Variants in SCIN observed in about 807,000 individuals in gnomAD.
SCIN encodes adseverin.
SCIN carries 91 observed loss-of-function variants against 91.8 expected under a neutral mutation model. The observed-to-expected ratio is 0.99, with a 90% confidence interval of 0.84 to 1.18. The LOEUF (loss-of-function observed/expected upper bound fraction) is 1.18. Among genes scored for constraint, SCIN ranks in the 50% most tolerant of loss-of-function variants. SCIN has a pLI of 0.00. For missense variants in SCIN, 1,087 were observed against 863.9 expected, an observed-to-expected ratio of 1.26 and a Z score of -3.24; for synonymous variants, 367 against 312.6, an observed-to-expected ratio of 1.17 and a Z score of -1.84.
intron 1 of SCIN, chr7:12,571,232 G>A (rs540871903): frequency 1.4e-4 from 76 of 547,224 alleles, no homozygotes; most frequent in Admixed American, 4.0e-4. Flanking sequence ...TTTGCCAGGT[G>A]TAGTTCCTGG....
intron 11 of SCIN, among the ~76,000 whole-genome samples, chr7:12,642,756 A>C (rs904303727): frequency 6.6e-6 from 1 of 151,806 alleles, no homozygotes; most frequent in African/African-American, 2.4e-5. Flanking sequence ...CACTAGGTGA[A>C]TGTATCCCCA....
intron 3 of SCIN, among the ~76,000 whole-genome samples, chr7:12,591,624 T>C (rs1010243343): frequency 3.3e-5 from 5 of 151,934 alleles, no homozygotes; most frequent in African/African-American, 1.2e-4. Context: ...CTGGGGAGTA[T>C]GTTATGTGAG....
Position 12,644,195 on chromosome 7 carries a change from C to G in SCIN, c.1639C>G (p.Gln547Glu). Residue 547 changes from glutamine to glutamate, a missense_variant, in exon 12 of 16, where the codon CAA (glutamine) becomes GAA (glutamate). Physicochemically the swap from Gln to Glu is conservative, Grantham distance 29. Coordinates refer to ENST00000297029, the MANE Select transcript of SCIN (RefSeq NM_001112706.3). ...SNDVFVLKLPQNSGYIWVGKG... is the reference protein window; with the variant it reads ...SNDVFVLKLPENSGYIWVGKG... Reference sequence around the variant, plus strand: ...CGATGTTTTTGTCCTGAAACTGCCACAAAATAGTGGCTACATCTGGGTAGG... The same window carrying G: ...CGATGTTTTTGTCCTGAAACTGCCAGAAAATAGTGGCTACATCTGGGTAGG... 6.2e-7 allele frequency: 1 copy of G among 1,612,680 alleles called. No homozygotes were observed. The highest frequency in any genetic ancestry group is 8.5e-7 in the Non-Finnish European group (1 of 1,179,310).
At chr7:12,626,849 AG>A in intron 8 of SCIN, 50 bp downstream of exon 8, 2 of 1,331,280 alleles carry the variant, frequency 1.5e-6, no homozygotes, top group African/African-American at 1.5e-5. Flanking sequence ...CAGTGTATGT[AG>A]GGGGAGGGTG....
chr7:12,592,754 C>T (rs532349380), intron 3 of SCIN, among the ~76,000 whole-genome samples: 16 of 152,122 alleles, frequency 1.1e-4, no homozygotes, highest in East Asian at 9.7e-4. Flanking sequence ...TGGTGGCAAG[C>T]GGACAAGAGA....
chr7:12,616,625 T>A (rs1253583828), intron 4 of SCIN, among the ~76,000 whole-genome samples: 1 of 152,118 alleles, frequency 6.6e-6, no homozygotes. Flanking sequence ...TTAACCATTG[T>A]AGACTCAGCT....
At position 12,657,114 on chromosome 7, in the gene SCIN, A is replaced by G. The variant is rs1043409885; in HGVS notation, c.*4399A>G. ...TTGAACAGTTTTTGTATTTTCTACT[A>G]AAATGAACATACACATATCCTATAA... On this transcript the variant is annotated 3_prime_UTR_variant, in exon 16 of 16. Coordinates refer to ENST00000297029, the MANE Select transcript of SCIN (RefSeq NM_001112706.3). 1.3e-5 allele frequency: 2 copies of G among 152,032 alleles called. No homozygotes were observed. Among genetic ancestry groups the G allele is most frequent in the African/African-American group, 4.8e-5 (2 of 41,368 alleles). The allele number at this position is 152,032 out of a possible 1,614,324, so 9.4% of individuals were successfully genotyped here. A position where few individuals can be genotyped will look rare whatever the true frequency, so the allele number is the denominator to read the frequency against.
Position 12,578,108 on chromosome 7 carries a change from A to C in SCIN, c.244A>C (p.Thr82Pro). Residue 82 changes from threonine (T) to proline (P), a missense_variant, in exon 2 of 16, where the codon ACT becomes CCT. By Grantham distance (38) the Thr-to-Pro change is conservative. Coordinates refer to ENST00000297029, the MANE Select transcript of SCIN (RefSeq NM_001112706.3). ...TGAAAGCACAGCTGCTGCCATCTTC[A>C]CTGTTCAGATGGATGACTATTTGGG... ...QDESTAAAIF[T>P]VQMDDYLGGK... 1 of 1,549,208 alleles carries C rather than the reference A, an allele frequency of 6.5e-7. No homozygotes were observed. Among genetic ancestry groups the C allele is most frequent in the South Asian group, 1.2e-5 (1 of 83,688 alleles).
At position 12,570,839 on chromosome 7, in the gene SCIN, G is replaced by A. The variant is rs1033793091; in HGVS notation, c.53G>A (p.Gly18Glu). The change falls in exon 1 of 16, where the codon GGG becomes GAG. Residue 18 changes from glycine (G) to glutamate (E), a missense_variant. By Grantham distance (98) the Gly-to-Glu change is moderately conservative. Transcript: ENST00000297029. ...TTCGCCCGGGCGGGCAAGCAGGCGG[G>A]GCTGCAGGTCTGGAGGATTGAGAAG... ...EEFARAGKQA[G>E]LQVWRIEKLE... 8.4e-6 allele frequency: 13 copies of A among 1,551,620 alleles called. No individual in the cohort carries two copies. Among genetic ancestry groups the A allele is most frequent in the Non-Finnish European group, 1.1e-5 (13 of 1,146,990 alleles).
At chr7:12,605,411 G>A (rs1322176040) in intron 4 of SCIN, among the ~76,000 whole-genome samples, 1 of 152,128 alleles carries the variant, frequency 6.6e-6, no homozygotes, top group East Asian at 1.9e-4. Context: ...GTTGCAGGTT[G>A]AGTATCCCTT....
intron 14 of SCIN, 61 bp downstream of exon 14, chr7:12,649,605 T>G: frequency 9.0e-7 from 1 of 1,107,114 alleles, no homozygotes; most frequent in South Asian, 1.4e-5. Context: ...TGACAGAACT[T>G]GATCTGAGAA....
intron 1 of SCIN, among the ~76,000 whole-genome samples, chr7:12,573,019 GA>G (rs1485710595): frequency 1.3e-5 from 2 of 152,088 alleles, no homozygotes; most frequent in Non-Finnish European, 2.9e-5. Flanking sequence ...AAAAAAAAAT[GA>G]GAGTACTTGG....
chr7:12,575,112 C>T (rs751309081), intron 1 of SCIN, among the ~76,000 whole-genome samples: 4 of 152,086 alleles, frequency 2.6e-5, no homozygotes, highest in South Asian at 2.1e-4. Context: ...AATAGCATTG[C>T]GCCTTTAATT....
intron 4 of SCIN, among the ~76,000 whole-genome samples, chr7:12,620,806 T>A (rs895582701): frequency 6.6e-6 from 1 of 152,096 alleles, no homozygotes; most frequent in African/African-American, 2.4e-5. Context: ...TTTGGAGTAT[T>A]TAGATGACGG....
intron 4 of SCIN, among the ~76,000 whole-genome samples, chr7:12,621,859 G>C (rs1783417867): frequency 6.6e-6 from 1 of 151,460 alleles, no homozygotes; most frequent in South Asian, 2.1e-4. Context: ...TTGTTTTCTG[G>C]TATTTTGCAG....
At chr7:12,598,116 GT>G (rs1332781277) in intron 3 of SCIN, among the ~76,000 whole-genome samples, 4 of 152,110 alleles carry the variant, frequency 2.6e-5, no homozygotes, top group Admixed American at 6.5e-5. Context: ...TCAATGAATG[GT>G]TTTTAAACTA....
chr7:12,605,374 T>C (rs2115251287), intron 4 of SCIN, among the ~76,000 whole-genome samples: 1 of 152,048 alleles, frequency 6.6e-6, no homozygotes, highest in African/African-American at 2.4e-5. Context: ...TCAAACACGG[T>C]GGTTTTCTTC....
At chr7:12,649,856 G>A (rs1487430044) in intron 14 of SCIN, among the ~76,000 whole-genome samples, 7 of 152,036 alleles carry the variant, frequency 4.6e-5, no homozygotes, top group South Asian at 4.1e-4. Context: ...AAGTGCATTC[G>A]TGTGTACAGT....
chr7:12,627,610 C>T (rs955077599), intron 8 of SCIN, among the ~76,000 whole-genome samples: 16 of 152,156 alleles, frequency 1.1e-4, no homozygotes, highest in African/African-American at 3.9e-4. Flanking sequence ...ATAATTTTTC[C>T]TCTTTTCAAA....
Sources: gnomAD v4.1 joint callset for allele counts (sites outside exome capture counted in the v4.1 genomes callset) on GRCh38, gnomAD v4.1.1 for gene constraint, MANE v1.5 for transcripts, NCBI Gene and HGNC (gene_info 2026-07-23, HGNC 2026-07-21) for gene names.